The following PRMT8 variants were observed in gnomAD, a reference collection of about 807,000 sequenced individuals.
The protein encoded by PRMT8 is protein arginine N-methyltransferase 8.
In PRMT8, 7 loss-of-function variants were observed where a neutral mutation model predicts 47.1. That is an observed-to-expected ratio of 0.15 (90% CI 0.08 to 0.28). The LOEUF (loss-of-function observed/expected upper bound fraction) is 0.28. Ranked by LOEUF, PRMT8 falls within the 10% of genes least tolerant of loss-of-function variation. The pLI is 1.00. For synonymous variants in PRMT8, 188 were observed against 186.5 expected (o/e 1.01, Z -0.07); for missense variants, 237 against 505.4 (o/e 0.47, Z 5.09).
intron 2 of PRMT8, among the ~76,000 whole-genome samples, chr12:3,543,043 A>G (rs1037194643): frequency 4.6e-5 from 7 of 152,236 alleles, no homozygotes; most frequent in Admixed American, 6.5e-5. Flanking sequence ...GCATACGTAT[A>G]TATAAACATA....
intron 1 of PRMT8, among the ~76,000 whole-genome samples, chr12:3,468,325 CAGG>C (rs1482426148): frequency 4.6e-5 from 7 of 152,296 alleles, no homozygotes; most frequent in Admixed American, 6.5e-5. Context: ...TCCCATCGGC[CAGG>C]AGGAGGAGAT....
In PRMT8 at chr12:3,473,775, C is replaced by T. The variant is rs532285937; in HGVS notation, c.49-66831C>T. Among the ~76,000 whole-genome samples, 7 of 152,248 alleles carry T rather than the reference C, an allele frequency of 4.6e-5. No homozygotes were observed. The East Asian group carries it at 9.7e-4, about 21-fold the overall frequency. On this transcript the variant is annotated intron_variant, in intron 1 of 9. Transcript: ENST00000452611. ...TATTGTCTCCAACCACCCAATTGGC[C>T]AAATAAATCATCCCATGAGCCCCAG...
At chr12:3,585,644 A>G (rs998036642) in intron 8 of PRMT8, among the ~76,000 whole-genome samples, 2 of 151,392 alleles carry the variant, frequency 1.3e-5, no homozygotes, top group African/African-American at 2.4e-5. Flanking sequence ...ATCTCTTCAT[A>G]GAAAGGCTTT....
chr12:3,443,003 TA>T (rs1864819690), intron 1 of PRMT8, among the ~76,000 whole-genome samples: 2 of 152,158 alleles, frequency 1.3e-5, no homozygotes, highest in Admixed American at 6.5e-5. Context: ...AGATAATTTT[TA>T]AAAAAGTAAA....
At chr12:3,512,715 C>T (rs368612648) in intron 1 of PRMT8, among the ~76,000 whole-genome samples, 1 of 152,234 alleles carries the variant, frequency 6.6e-6, no homozygotes, top group African/African-American at 2.4e-5. Flanking sequence ...TTGCTCCGTG[C>T]CTGTCTCGTC....
chr12:3,538,557 T>C lies in PRMT8; in HGVS notation c.76-2049T>C. 1 of 508,600 alleles carries C rather than the reference T, an allele frequency of 2.0e-6. No homozygotes were observed. Among genetic ancestry groups the C allele is most frequent in the Non-Finnish European group, 3.9e-6 (1 of 254,300 alleles). The allele number at this position is 508,600 out of a possible 1,614,324, so 31.5% of individuals were successfully genotyped here. On this transcript the variant is annotated intron_variant, in intron 1 of 9. Coordinates refer to ENST00000382622, the MANE Select transcript of PRMT8 (RefSeq NM_019854.5). The surrounding 1 kb of genome is among the most constrained non-coding windows in gnomAD (Gnocchi z 4.6). Reference sequence around the variant, plus strand: ...GGAAAAGAGAGCCTTGGAACCAGAGTGGAGTGACAGCTAAGGGGTGCTGGA... The same window carrying C: ...GGAAAAGAGAGCCTTGGAACCAGAGCGGAGTGACAGCTAAGGGGTGCTGGA...
intron 1 of PRMT8, among the ~76,000 whole-genome samples, chr12:3,437,655 A>T: frequency 7.1e-6 from 1 of 140,810 alleles, no homozygotes. Flanking sequence ...TATATATTGC[A>T]TTCAGCTACT....
At chr12:3,592,990 C>A (rs1867343718) in intron 9 of PRMT8, 109 bp from the exon 10 acceptor site, 6 of 822,272 alleles carry the variant, frequency 7.3e-6, no homozygotes, top group Admixed American at 6.4e-5. Flanking sequence ...CCTTAAGACG[C>A]TGGTGCTACC....
At chr12:3,540,878 C>CT (rs1866216233) in intron 2 of PRMT8, 87 bp downstream of exon 2, 2 of 1,386,432 alleles carry the variant, frequency 1.4e-6, no homozygotes, top group East Asian at 4.6e-5. Flanking sequence ...TGTTCAACTC[C>CT]TTACCATGGT....
chr12:3,474,456 C>G (rs551743079), intron 1 of PRMT8, among the ~76,000 whole-genome samples: 5 of 152,160 alleles, frequency 3.3e-5, no homozygotes, highest in Non-Finnish European at 7.4e-5. Context: ...CTGCTCCCAG[C>G]CCATCCCCCA....
intron 2 of PRMT8, among the ~76,000 whole-genome samples, chr12:3,546,921 A>G (rs1482133633): frequency 1.3e-5 from 2 of 152,226 alleles, no homozygotes; most frequent in Admixed American, 1.3e-4. Flanking sequence ...AAAAACACCC[A>G]GCAATATTTT....
At chr12:3,498,958 T>C (rs1406455813) in intron 1 of PRMT8, among the ~76,000 whole-genome samples, 1 of 152,110 alleles carries the variant, frequency 6.6e-6, no homozygotes, top group African/African-American at 2.4e-5. Context: ...TTCTTCTGGT[T>C]TCCCGTGGTG....
intron 1 of PRMT8, among the ~76,000 whole-genome samples, chr12:3,512,389 C>T (rs1420056463): frequency 6.6e-6 from 1 of 152,170 alleles, no homozygotes; most frequent in Non-Finnish European, 1.5e-5. Context: ...CTGGATTTCT[C>T]TTGCTTTGTG....
At chr12:3,584,380 G>T (rs568882001) in intron 8 of PRMT8, among the ~76,000 whole-genome samples, 1 of 152,116 alleles carries the variant, frequency 6.6e-6, no homozygotes, top group African/African-American at 2.4e-5. Flanking sequence ...GAATTTGGAG[G>T]GGGGGACAAT....
chr12:3,428,955 CCTCT>C (rs1377002464), intron 1 of PRMT8, among the ~76,000 whole-genome samples: 2 of 139,470 alleles, frequency 1.4e-5, no homozygotes. Context: ...CCTCTCTCCG[CCTCT>C]CTCTATCTCT....
In PRMT8 at chr12:3,576,249, C is replaced by T. The variant is rs1427182082; in HGVS notation, c.713-622C>T. Reference sequence around the variant, plus strand: ...TTGGCATACAAGGAAGGCAGAGATGCTCCTGGACCCACCCAGGTGAGAAAA... The same window carrying T: ...TTGGCATACAAGGAAGGCAGAGATGTTCCTGGACCCACCCAGGTGAGAAAA... On this transcript the variant is annotated intron_variant, in intron 6 of 9. Transcript: ENST00000382622. The surrounding 1 kb of genome is among the most constrained non-coding windows in gnomAD (Gnocchi z 4.0). Among the ~76,000 whole-genome samples the T allele has an allele frequency of 2.6e-5, 4 of 152,188 alleles. No individual in the cohort carries two copies. Among genetic ancestry groups the T allele is most frequent in the African/African-American group, 9.7e-5 (4 of 41,440 alleles).
intron 1 of PRMT8, among the ~76,000 whole-genome samples, chr12:3,451,617 G>A (rs1283660946): frequency 2.6e-5 from 4 of 152,210 alleles, no homozygotes; most frequent in Admixed American, 2.6e-4. Context: ...ATACATGGGT[G>A]CTTAGCTGTG....
upstream of PRMT8, among the ~76,000 whole-genome samples, chr12:3,487,491 G>A (rs1412737349): frequency 6.6e-6 from 1 of 152,216 alleles, no homozygotes; most frequent in African/African-American, 2.4e-5. Flanking sequence ...AGAGTTGACA[G>A]GAGACAGAAT....
At position 3,583,467 on chromosome 12, in the gene PRMT8, T is replaced by G. The variant is rs1348613980; in HGVS notation, c.979+259T>G. On this transcript the variant is annotated intron_variant, in intron 8 of 9. Transcript: ENST00000382622. This position sits in a 1 kb window ranked among gnomAD's most constrained non-coding sequence, Gnocchi z 4.7. ...AGGGAGAGGCAGGAGGTAGGGCTCA[T>G]GGAGGGGCCCCAAGCCCTTTCAAAG... Among the ~76,000 whole-genome samples the G allele has an allele frequency of 6.6e-6, 1 of 152,204 alleles. No individual in the cohort carries two copies. The highest frequency in any genetic ancestry group is 2.4e-5 in the African/African-American group (1 of 41,454).
Sources: gnomAD v4.1 joint callset for allele counts (sites outside exome capture counted in the v4.1 genomes callset) on GRCh38, gnomAD v4.1.1 for gene constraint, Gnocchi (gnomAD v3.1) non-coding constraint, MANE v1.5 for transcripts, NCBI Gene and HGNC (gene_info 2026-07-23, HGNC 2026-07-21) for gene names.